The following SMG7 variants were observed in gnomAD, a reference collection of about 807,000 sequenced individuals.
The protein encoded by SMG7 is nonsense-mediated mRNA decay factor SMG7.
In SMG7, 34 loss-of-function variants were observed where a neutral mutation model predicts 148.2. That is an observed-to-expected ratio of 0.23 (90% CI 0.17 to 0.31). The LOEUF (loss-of-function observed/expected upper bound fraction) is 0.31, where lower values mean the gene tolerates loss of function less well. Ranked by LOEUF, SMG7 falls within the 10% of genes least tolerant of loss-of-function variation. The pLI is 1.00. For synonymous variants in SMG7, 492 were observed against 515.1 expected, an observed-to-expected ratio of 0.96 and a Z score of 0.61; for missense variants, 1,114 against 1,408.4, an observed-to-expected ratio of 0.79 and a Z score of 3.35.
chr1:183,500,506 T>A (rs1373246042), intron 1 of SMG7, among the ~76,000 whole-genome samples: 1 of 152,198 alleles, frequency 6.6e-6, no homozygotes, highest in African/African-American at 2.4e-5. Flanking sequence ...TAACCTGAAT[T>A]TATTTGAGCA....
chr1:183,478,284 A>T (rs182795339), intron 1 of SMG7, among the ~76,000 whole-genome samples: 150 of 152,176 alleles, frequency 9.9e-4, no homozygotes, highest in Non-Finnish European at 1.4e-3. Flanking sequence ...CTTCCTTTCC[A>T]CCAGGTACAT....
chr1:183,486,583 G>C (rs1655482502), intron 1 of SMG7, among the ~76,000 whole-genome samples: 1 of 151,942 alleles, frequency 6.6e-6, no homozygotes, highest in Non-Finnish European at 1.5e-5. Flanking sequence ...GCCGATTTTT[G>C]TGTTTTTAGT....
At chr1:183,525,134 G>T (rs12090123) in intron 4 of SMG7, among the ~76,000 whole-genome samples, 1 of 152,188 alleles carries the variant, frequency 6.6e-6, no homozygotes, top group African/African-American at 2.4e-5. Flanking sequence ...GAAGAACTGT[G>T]TGCGGGGCAA....
At chr1:183,551,777 G>T in intron 22 of SMG7, 41 bp from the exon 23 acceptor site, 1 of 1,475,968 alleles carries the variant, frequency 6.8e-7, no homozygotes. Context: ...CAGACAACTT[G>T]GCATTTGACC....
chr1:183,496,317 G>GT (rs1658475252), intron 1 of SMG7, among the ~76,000 whole-genome samples: 1 of 151,984 alleles, frequency 6.6e-6, no homozygotes, highest in African/African-American at 2.4e-5. Flanking sequence ...TCATGAGACT[G>GT]TATTTACCCA....
In SMG7 at chr1:183,553,039, C is replaced by T. The variant is rs1466099962; in HGVS notation, c.*1108C>T. The T allele has an allele frequency of 2.0e-6, 3 of 1,536,150 alleles. No individual in the cohort carries two copies. In the South Asian group the frequency reaches 3.6e-5, roughly 18 times the overall value. On this transcript the variant is annotated 3_prime_UTR_variant, in exon 23 of 23. Coordinates refer to ENST00000688051, the MANE Select transcript of SMG7 (RefSeq NM_001375584.1). ...GACAGTCTGAAGAGGAAGGAAGCAGCAGTATCTGCGTAGCCCACAGAGGGC... is the reference window on the plus strand; with the variant it reads ...GACAGTCTGAAGAGGAAGGAAGCAGTAGTATCTGCGTAGCCCACAGAGGGC...
chr1:183,551,961 T>G lies in SMG7; in HGVS notation c.*30T>G. 6.2e-7 allele frequency: 1 copy of G among 1,609,504 alleles called. No homozygotes were observed. The highest frequency in any genetic ancestry group is 8.5e-7 in the Non-Finnish European group (1 of 1,177,360). On this transcript the variant is annotated 3_prime_UTR_variant, in exon 23 of 23. Coordinates refer to ENST00000688051, the MANE Select transcript of SMG7 (RefSeq NM_001375584.1). ...AAAGTGGCAACCTGGGAATGAAGGC[T>G]CCATAAACCATGGCATGTTGGGTTT...
At chr1:183,525,826 CAA>C (rs527550212) in intron 4 of SMG7, among the ~76,000 whole-genome samples, 3 of 152,040 alleles carry the variant, frequency 2.0e-5, no homozygotes, top group Non-Finnish European at 4.4e-5. Context: ...GTTGTATATG[CAA>C]AGACATGTGA....
chr1:183,542,998 T>A (rs1399198295), intron 14 of SMG7, among the ~76,000 whole-genome samples: 2 of 151,376 alleles, frequency 1.3e-5, no homozygotes, highest in African/African-American at 2.4e-5. Flanking sequence ...AATATGAGAC[T>A]TTTTTATTGA....
In SMG7 at chr1:183,538,423, A is replaced by G. The variant is rs992968390; in HGVS notation, c.1278A>G (p.Ala426=). 2 of 1,612,000 alleles carry G rather than the reference A, an allele frequency of 1.2e-6. No individual in the cohort carries two copies. The highest frequency in any genetic ancestry group is 1.7e-4 in the Middle Eastern group (1 of 6,048). Reference sequence around the variant, plus strand: ...AGTTTGAATTACAAGGATTTTTGGCATTGAGACCTTCTTTCAGGTAGGTGA... The same window carrying G: ...AGTTTGAATTACAAGGATTTTTGGCGTTGAGACCTTCTTTCAGGTAGGTGA... ...PEEFELQGFL[A]LRPSFRNLDF... is the part of the protein sequence containing the mutation. The change falls in exon 12 of 23, where the codon GCA becomes GCG. Residue 426 remains alanine (A), a synonymous_variant. Coordinates refer to ENST00000688051, the MANE Select transcript of SMG7 (RefSeq NM_001375584.1).
chr1:183,512,755 CT>C, intron 1 of SMG7, 81 bp from the exon 2 acceptor site: 1 of 1,295,192 alleles, frequency 7.7e-7, no homozygotes, highest in Non-Finnish European at 1.1e-6. Context: ...TTTCACCTAA[CT>C]TTTAGTGTTA....
At position 183,544,448 on chromosome 1, in the gene SMG7, C is replaced by T. The variant is rs890147841; in HGVS notation, c.1938C>T (p.Phe646=). 6.8e-6 allele frequency: 11 copies of T among 1,613,870 alleles called. 1 individual carries two copies. The highest frequency in any genetic ancestry group is 8.5e-6 in the Non-Finnish European group (10 of 1,179,888). ...QTPTQASNSQ[F]IPIHHPGAFP... is the part of the protein sequence containing the mutation. ...CAACTCAAGCAAGTAACTCCCAGTT[C>T]ATCCCCATTCATCACCCTGGAGCCT... is the stretch of plus-strand genomic sequence containing the variant. Residue 646 remains phenylalanine (F), a synonymous_variant, in exon 15 of 23, where the codon TTC becomes TTT. Transcript: ENST00000688051.
At position 183,533,810 on chromosome 1, in the gene SMG7, G is replaced by T. The variant is rs12568823; in HGVS notation, c.1141G>T (p.Ala381Ser). ...ACTCAGACCCAGGGTCTTTCAGGAG[G>T]CAGTGGTGGATGAAAGACAGTAGTA... is the stretch of plus-strand genomic sequence containing the variant. ...LRLRPRVFQEAVVDERQYIWP... is the reference protein window; with the variant it reads ...LRLRPRVFQESVVDERQYIWP... The change falls in exon 10 of 23, where the codon GCA becomes TCA. Residue 381 changes from alanine (A) to serine (S), a missense_variant. Transcript: ENST00000688051. 1.2e-4 allele frequency: 193 copies of T among 1,611,310 alleles called. 1 individual carries two copies. In the East Asian group the frequency reaches 3.4e-3, roughly 29 times the overall value.
chr1:183,531,212 T>C (rs78156767), intron 8 of SMG7, among the ~76,000 whole-genome samples: 1 of 152,126 alleles, frequency 6.6e-6, no homozygotes, highest in Non-Finnish European at 1.5e-5. Flanking sequence ...ACATGTATAC[T>C]TCAGTGTTTC....
rs748130719 is a variant in SMG7 at position 183,551,856 on chromosome 1, T to A, written c.3489T>A (p.Ser1163=). Reference sequence around the variant, plus strand: ...GTTCCATGATGCATCCTGGACCTTCTGCTCTGGAGCAGCTGTTAATGCAGC... The same window carrying A: ...GTTCCATGATGCATCCTGGACCTTCAGCTCTGGAGCAGCTGTTAATGCAGC... ...WSSSMMHPGP[S]ALEQLLMQQK... The change falls in exon 23 of 23, where the codon TCT becomes TCA. Residue 1163 remains serine (S), a synonymous_variant. Transcript: ENST00000688051. The A allele has an allele frequency of 1.2e-6, 2 of 1,613,734 alleles. No individual in the cohort carries two copies. Among genetic ancestry groups the A allele is most frequent in the African/African-American group, 2.7e-5 (2 of 74,920 alleles).
rs569451029 is a variant in SMG7, at chr1:183,531,690, C to A, written c.844-1474C>A. Among the ~76,000 whole-genome samples the A allele has an allele frequency of 5.9e-5, 9 of 152,226 alleles. No individual in the cohort carries two copies. The East Asian group carries it at 1.3e-3, about 23-fold the overall frequency. On this transcript the variant is annotated intron_variant, in intron 8 of 22. Coordinates refer to ENST00000688051, the MANE Select transcript of SMG7 (RefSeq NM_001375584.1). ...ACTTCTGTGCATACGCTAGAAAATT[C>A]TTTAATGGGCTGTGACCCTCTTCAG...
intron 1 of SMG7, among the ~76,000 whole-genome samples, chr1:183,482,178 T>C (rs72731460): frequency 3.7e-3 from 560 of 152,186 alleles, no homozygotes; most frequent in Non-Finnish European, 6.0e-3. Context: ...GCCATATAAA[T>C]TAGAGATTTT....
intron 1 of SMG7, among the ~76,000 whole-genome samples, chr1:183,485,215 G>A (rs1349739321): frequency 6.6e-6 from 1 of 152,096 alleles, no homozygotes; most frequent in Non-Finnish European, 1.5e-5. Flanking sequence ...ATCTGTATCT[G>A]TATAGTTTTA....
intron 10 of SMG7, among the ~76,000 whole-genome samples, chr1:183,536,900 G>A (rs910279525): frequency 2.6e-5 from 4 of 152,118 alleles, no homozygotes; most frequent in African/African-American, 7.2e-5. Flanking sequence ...TGAATTAGGA[G>A]CATGGGAAAT....
Sources: gnomAD v4.1 joint callset for allele counts (sites outside exome capture counted in the v4.1 genomes callset) on GRCh38, gnomAD v4.1.1 for gene constraint, MANE v1.5 for transcripts, NCBI Gene and HGNC (gene_info 2026-07-23, HGNC 2026-07-21) for gene names.